WDR35: variants seen among roughly 807,000 people sequenced by gnomAD.
WDR35 encodes WD repeat domain 35.
Under a neutral mutation model 158.3 loss-of-function variants are expected in WDR35, and 118 were observed. That is an observed-to-expected ratio of 0.75 (90% CI 0.64 to 0.87). The LOEUF is 0.87. Ranked by LOEUF, WDR35 falls within the 40% of genes least tolerant of loss-of-function variation. The pLI is 0.00. For missense variants in WDR35, 1,263 were observed against 1,405.8 expected (o/e 0.90, Z 1.62); for synonymous variants, 448 against 476.1 (o/e 0.94, Z 0.77).
intron 8 of WDR35, among the ~76,000 whole-genome samples, chr2:19,970,500 T>A (rs1253674374): frequency 1.3e-5 from 2 of 152,190 alleles, no homozygotes; most frequent in East Asian, 3.8e-4. Context: ...ATCTATACTC[T>A]GCTGTCACAA....
At chr2:19,964,545 G>A (rs1174700920) in intron 10 of WDR35, among the ~76,000 whole-genome samples, 2 of 151,286 alleles carry the variant, frequency 1.3e-5, no homozygotes, top group South Asian at 2.1e-4. Context: ...TGCCACGCCC[G>A]GCTAATTTTT....
chr2:19,971,981 C>A (rs1231702370), intron 8 of WDR35, among the ~76,000 whole-genome samples: 1 of 152,156 alleles, frequency 6.6e-6, no homozygotes. Flanking sequence ...TTCTCTACGT[C>A]AAACTACACT....
chr2:19,924,332 A>AG (rs1237373375), intron 25 of WDR35, among the ~76,000 whole-genome samples: 3 of 152,156 alleles, frequency 2.0e-5, no homozygotes, highest in East Asian at 1.9e-4. Flanking sequence ...TGGGAGGCTG[A>AG]GGGGGGTGGA....
intron 2 of WDR35, among the ~76,000 whole-genome samples, chr2:19,988,731 T>C (rs1156811058): frequency 6.6e-6 from 1 of 152,158 alleles, no homozygotes; most frequent in Non-Finnish European, 1.5e-5. Flanking sequence ...CTAATAGAAA[T>C]GTAAAACGTA....
chr2:19,932,879 G>A (rs977235236), intron 22 of WDR35, among the ~76,000 whole-genome samples: 2 of 152,018 alleles, frequency 1.3e-5, no homozygotes, highest in Non-Finnish European at 2.9e-5. Context: ...AATATTAAAA[G>A]AATACATTAA....
intron 17 of WDR35, among the ~76,000 whole-genome samples, chr2:19,939,317 T>C (rs1157147680): frequency 6.6e-6 from 1 of 152,070 alleles, no homozygotes; most frequent in Non-Finnish European, 1.5e-5. Context: ...AAATAATATA[T>C]CTACAAAAGG....
chr2:19,962,303 C>G (rs908510275), intron 10 of WDR35: 1 of 1,613,092 alleles, frequency 6.2e-7, no homozygotes, highest in African/African-American at 1.3e-5. Context: ...ACCGTTGCAC[C>G]AAATGTCTCC....
rs560829836 is a variant in WDR35 at position 19,924,624 on chromosome 2, T to C, written c.3121+5772A>G. The stretch of plus-strand genomic sequence containing the variant: ...GATATAGTGCTGCAGTTATTAGCTT[T>C]TGACAATGCTAATCCTGACTGCCAG... On this transcript the variant is annotated intron_variant, in intron 25 of 26. Coordinates refer to ENST00000281405, the MANE Select transcript of WDR35 (RefSeq NM_020779.4). Among the ~76,000 whole-genome samples the C allele has an allele frequency of 2.6e-5, 4 of 152,320 alleles. 1 individual carries two copies. The South Asian group carries it at 8.3e-4, about 32-fold the overall frequency.
At position 19,972,170 on chromosome 2, in the gene WDR35, T is replaced by G. The variant is rs1300120386; in HGVS notation, c.882+1393A>C. Among the ~76,000 whole-genome samples the G allele has an allele frequency of 2.0e-5, 3 of 152,214 alleles. No individual in the cohort carries two copies. The East Asian group carries it at 5.8e-4, about 29-fold the overall frequency. ...CATTAAGTTTAAATTGTTAGATAAC[T>G]TCCATCCAGGTTATCTTTCCTACCT... is the stretch of plus-strand genomic sequence containing the variant. On this transcript the variant is annotated intron_variant, in intron 8 of 26. Coordinates refer to ENST00000281405, the MANE Select transcript of WDR35 (RefSeq NM_020779.4).
chr2:19,924,330 T>C lies in WDR35; in HGVS notation c.3121+6066A>G, dbSNP rs994442368. On this transcript the variant is annotated intron_variant, in intron 25 of 26. Coordinates refer to ENST00000281405, the MANE Select transcript of WDR35 (RefSeq NM_020779.4). ...CTGTAATCCCAGCACTTTGGGAGGC[T>C]GAGGGGGGTGGATCACAAGGTCAGG... 3.6e-4 allele frequency among the ~76,000 whole-genome samples: 54 copies of C among 152,060 alleles called. 3 individuals are homozygous for C. Among genetic ancestry groups the C allele is most frequent in the Non-Finnish European group, 2.9e-5 (2 of 68,004 alleles).
At chr2:19,929,227 T>C (rs1670451849) in intron 25 of WDR35, among the ~76,000 whole-genome samples, 1 of 152,250 alleles carries the variant, frequency 6.6e-6, no homozygotes, top group African/African-American at 2.4e-5. Context: ...TTATTACATA[T>C]GGTCTCTAAA....
intron 9 of WDR35, among the ~76,000 whole-genome samples, chr2:19,967,836 G>A (rs1671906636): frequency 6.6e-6 from 1 of 152,060 alleles, no homozygotes; most frequent in African/African-American, 2.4e-5. Flanking sequence ...TGGTACATTT[G>A]TCACAACTAG....
In WDR35 at chr2:19,938,512, T is replaced by C. The variant is rs537304134; in HGVS notation, c.1927-111A>G. ...CAAAACAAGAAAAAAAACGGCATCA[T>C]ATTGTGAGCAAAATAAGGAAGAGAA... On this transcript the variant is annotated intron_variant, in intron 17 of 26. Transcript: ENST00000281405. 16 of 1,344,908 alleles carry C rather than the reference T, an allele frequency of 1.2e-5. No homozygotes were observed. In the Admixed American group the frequency reaches 2.9e-4, roughly 24 times the overall value. The allele number at this position is 1,344,908 out of a possible 1,614,324, so 83.3% of individuals were successfully genotyped here.
At chr2:19,958,333 T>C (rs909780860) in intron 11 of WDR35, among the ~76,000 whole-genome samples, 2 of 152,208 alleles carry the variant, frequency 1.3e-5, no homozygotes, top group Non-Finnish European at 2.9e-5. Flanking sequence ...TCAGCTCAAA[T>C]GAAACCTTCT....
At chr2:19,921,436 C>T (rs539054118) in intron 25 of WDR35, among the ~76,000 whole-genome samples, 16 of 152,242 alleles carry the variant, frequency 1.1e-4, no homozygotes, top group Admixed American at 6.5e-4. Flanking sequence ...CATCTACAAC[C>T]ATCTGATCTT....
chr2:19,974,919 A>G (rs1672157926), intron 6 of WDR35, among the ~76,000 whole-genome samples: 1 of 152,228 alleles, frequency 6.6e-6, no homozygotes, highest in Non-Finnish European at 1.5e-5. Flanking sequence ...ATAAAAGTTC[A>G]TTATTTTACT....
intron 6 of WDR35, among the ~76,000 whole-genome samples, chr2:19,975,180 T>C (rs1177111881): frequency 6.6e-6 from 1 of 152,212 alleles, no homozygotes; most frequent in African/African-American, 2.4e-5. Context: ...GGTATCTACA[T>C]GTAAACTTTG....
chr2:19,956,470 T>G (rs1671436225), intron 11 of WDR35, among the ~76,000 whole-genome samples: 2 of 152,212 alleles, frequency 1.3e-5, no homozygotes, highest in Admixed American at 6.5e-5. Flanking sequence ...ATTTGTTCTC[T>G]CAGTTTACTT....
intron 2 of WDR35, among the ~76,000 whole-genome samples, chr2:19,983,834 T>G (rs993440618): frequency 6.6e-6 from 1 of 152,178 alleles, no homozygotes; most frequent in Non-Finnish European, 1.5e-5. Flanking sequence ...AGAATAAATG[T>G]TGCTGACACA....
Sources: gnomAD v4.1 joint callset for allele counts (sites outside exome capture counted in the v4.1 genomes callset) on GRCh38, gnomAD v4.1.1 for gene constraint, MANE v1.5 for transcripts, NCBI Gene and HGNC (gene_info 2026-07-23, HGNC 2026-07-21) for gene names.